Variants in SNTB1 observed in about 807,000 individuals in gnomAD.
The protein encoded by SNTB1 is syntrophin beta 1.
SNTB1 carries 36 observed loss-of-function variants against 48.9 expected under a neutral mutation model. That is an observed-to-expected ratio of 0.74 (90% CI 0.56 to 0.97). The LOEUF (loss-of-function observed/expected upper bound fraction) is 0.97. SNTB1 is among the 50% of genes least tolerant of loss of function. The pLI is 0.00. For missense variants in SNTB1, 786 were observed against 703.4 expected, an observed-to-expected ratio of 1.12 and a Z score of -1.33; for synonymous variants, 299 against 294.6, an observed-to-expected ratio of 1.01 and a Z score of -0.15.
chr8:120,608,122 G>T (rs1014391422), intron 3 of SNTB1, among the ~76,000 whole-genome samples: 2 of 152,174 alleles, frequency 1.3e-5, no homozygotes, highest in African/African-American at 4.8e-5. Context: ...GGATAAAGCT[G>T]CTCTGTAGGA....
intron 3 of SNTB1, among the ~76,000 whole-genome samples, chr8:120,602,416 A>C (rs554277516): frequency 6.6e-6 from 1 of 152,346 alleles, no homozygotes; most frequent in South Asian, 2.1e-4. Flanking sequence ...AGTAAAGCAG[A>C]TGACCTTCCA....
At chr8:120,778,154 G>A (rs762177347) in intron 1 of SNTB1, among the ~76,000 whole-genome samples, 1 of 152,178 alleles carries the variant, frequency 6.6e-6, no homozygotes, top group Non-Finnish European at 1.5e-5. Context: ...ACTCCTGTTA[G>A]CAGGGAAAAC....
intron 3 of SNTB1, among the ~76,000 whole-genome samples, chr8:120,628,523 G>A (rs1816923103): frequency 1.3e-5 from 2 of 152,148 alleles, no homozygotes; most frequent in Non-Finnish European, 2.9e-5. Context: ...TTGGGAGGCC[G>A]ACGTGGCCAG....
intron 4 of SNTB1, among the ~76,000 whole-genome samples, chr8:120,563,086 T>C (rs1815689553): frequency 6.6e-6 from 1 of 151,986 alleles, no homozygotes; most frequent in Admixed American, 6.6e-5. Flanking sequence ...CAGAGCAGTG[T>C]CGCCCTTTTT....
At chr8:120,799,918 AGAT>A (rs1203733886) in intron 1 of SNTB1, among the ~76,000 whole-genome samples, 1 of 152,098 alleles carries the variant, frequency 6.6e-6, no homozygotes, top group Non-Finnish European at 1.5e-5. Flanking sequence ...ATACTATAAT[AGAT>A]ATTACCACTC....
chr8:120,753,906 A>C (rs1819266073), intron 1 of SNTB1, among the ~76,000 whole-genome samples: 1 of 152,202 alleles, frequency 6.6e-6, no homozygotes. Flanking sequence ...AAAAGATAGG[A>C]GCGAATTATT....
intron 2 of SNTB1, among the ~76,000 whole-genome samples, chr8:120,646,809 T>G (rs1019226932): frequency 6.6e-6 from 1 of 152,170 alleles, no homozygotes; most frequent in African/African-American, 2.4e-5. Flanking sequence ...CTCTTTTTGG[T>G]TGGTAAGCTA....
At chr8:120,660,942 A>T (rs1460179827) in intron 2 of SNTB1, among the ~76,000 whole-genome samples, 2 of 152,202 alleles carry the variant, frequency 1.3e-5, no homozygotes, top group South Asian at 2.1e-4. Flanking sequence ...AGCCGACAGG[A>T]TACATACAAC....
chr8:120,624,490 C>T (rs1816844544), intron 3 of SNTB1, among the ~76,000 whole-genome samples: 1 of 152,156 alleles, frequency 6.6e-6, no homozygotes, highest in African/African-American at 2.4e-5. Flanking sequence ...AAAGACACAG[C>T]CCCAATGACC....
chr8:120,576,198 G>T (rs552645030), intron 3 of SNTB1, among the ~76,000 whole-genome samples: 23 of 152,230 alleles, frequency 1.5e-4, no homozygotes, highest in Non-Finnish European at 3.1e-4. Context: ...GTAATCCCTT[G>T]GCTCATTAAA....
intron 1 of SNTB1, among the ~76,000 whole-genome samples, chr8:120,768,242 A>C (rs573294375): frequency 6.6e-6 from 1 of 152,292 alleles, no homozygotes; most frequent in Admixed American, 6.5e-5. Context: ...CATTGACCTC[A>C]TGCTGTTCAA....
At chr8:120,566,503 C>G (rs1009413546) in intron 4 of SNTB1, among the ~76,000 whole-genome samples, 2 of 152,030 alleles carry the variant, frequency 1.3e-5, no homozygotes, top group African/African-American at 4.8e-5. Flanking sequence ...TCCCAGTCTC[C>G]AGAACTGTGA....
chr8:120,726,160 C>T (rs957760044), intron 1 of SNTB1, among the ~76,000 whole-genome samples: 1 of 152,174 alleles, frequency 6.6e-6, no homozygotes, highest in African/African-American at 2.4e-5. Context: ...CTATTTTCCT[C>T]ATCATTGTTT....
chr8:120,714,977 G>A (rs1317372818), intron 1 of SNTB1, among the ~76,000 whole-genome samples: 1 of 152,150 alleles, frequency 6.6e-6, no homozygotes, highest in East Asian at 1.9e-4. Flanking sequence ...TTGGATTTCT[G>A]TGAAAAGACG....
At chr8:120,590,689 T>C (rs1816226495) in intron 3 of SNTB1, among the ~76,000 whole-genome samples, 1 of 148,696 alleles carries the variant, frequency 6.7e-6, no homozygotes, top group African/African-American at 2.5e-5. Flanking sequence ...TCTTTTCTTT[T>C]TTTTTTTTTT....
At chr8:120,728,986 T>TG (rs1818807678) in intron 1 of SNTB1, among the ~76,000 whole-genome samples, 1 of 108,686 alleles carries the variant, frequency 9.2e-6, no homozygotes, top group African/African-American at 4.2e-5. Flanking sequence ...TTTACTGACC[T>TG]TTTTTTTTTT....
At chr8:120,733,503 T>C (rs1271042138) in intron 1 of SNTB1, among the ~76,000 whole-genome samples, 5 of 152,242 alleles carry the variant, frequency 3.3e-5, no homozygotes, top group Non-Finnish European at 5.9e-5. Flanking sequence ...CAAGTAATAT[T>C]TGTCTTTCTT....
chr8:120,756,096 C>G (rs1240879854), intron 1 of SNTB1, among the ~76,000 whole-genome samples: 2 of 152,168 alleles, frequency 1.3e-5, no homozygotes, highest in African/African-American at 4.8e-5. Context: ...GACAAGATGA[C>G]CTTCCCTTCT....
chr8:120,656,269 C>T (rs942980567), intron 2 of SNTB1, among the ~76,000 whole-genome samples: 1 of 152,074 alleles, frequency 6.6e-6, no homozygotes, highest in African/African-American at 2.4e-5. Flanking sequence ...CACAAAATCC[C>T]ATTTCAAAAA....
Sources: gnomAD v4.1 joint callset for allele counts (sites outside exome capture counted in the v4.1 genomes callset) on GRCh38, gnomAD v4.1.1 for gene constraint, MANE v1.5 for transcripts, NCBI Gene and HGNC (gene_info 2026-07-23, HGNC 2026-07-21) for gene names.